Variants in SFI1 observed in about 807,000 individuals in gnomAD.
SFI1 encodes SFI1 centrin binding protein.
Under a neutral mutation model 207.5 loss-of-function variants are expected in SFI1, and 195 were observed. The observed-to-expected ratio is 0.94, with a 90% CI of 0.84 to 1.06. SFI1 has a LOEUF of 1.06. Ranked by LOEUF, SFI1 falls within the 50% of genes least tolerant of loss-of-function variation. The pLI is 0.00. For synonymous variants in SFI1, 630 were observed against 598.9 expected, an observed-to-expected ratio of 1.05 and a Z score of -0.76; for missense variants, 1,634 against 1,588.0, an observed-to-expected ratio of 1.03 and a Z score of -0.49.
chr22:31,612,398 A>AAAAT (rs1556369798), intron 24 of SFI1: 12 of 60,202 alleles, frequency 2.0e-4, no homozygotes, highest in African/African-American at 7.3e-4. Context: ...AAAAAAAAAA[A>AAAAT]ATATATATAT....
At position 31,594,965 on chromosome 22, in the gene SFI1, A is replaced by G. The variant is rs1016194094; in HGVS notation, c.1544+5388A>G. Among the ~76,000 whole-genome samples, 4 of 151,884 alleles carry G rather than the reference A, an allele frequency of 2.6e-5. No individual in the cohort carries two copies. In the East Asian group the frequency reaches 7.7e-4, roughly 29 times the overall value. On this transcript the variant is annotated intron_variant, in intron 15 of 32. Transcript: ENST00000400288. ...GCAGGTTCTTAGTATATGGTGGGAC[A>G]TAATGAAGAAATAATAATAATTTAT...
At chr22:31,541,315 G>A (rs2059466102) in intron 4 of SFI1, among the ~76,000 whole-genome samples, 1 of 152,198 alleles carries the variant, frequency 6.6e-6, no homozygotes, top group African/African-American at 2.4e-5. Context: ...GCTCTTGTCT[G>A]TCACCCTTTC....
intron 21 of SFI1, 99 bp downstream of exon 21, chr22:31,606,529 A>G: frequency 1.2e-6 from 1 of 868,834 alleles, no homozygotes; most frequent in Admixed American, 2.3e-5. Flanking sequence ...TTTGAACTGA[A>G]TAAGGAACCT....
At chr22:31,520,699 A>G (rs902278440) in intron 2 of SFI1, among the ~76,000 whole-genome samples, 11 of 151,980 alleles carry the variant, frequency 7.2e-5, no homozygotes, top group African/African-American at 2.7e-4. Flanking sequence ...CTCAATCAAA[A>G]TCCACTACTT....
At chr22:31,616,703 C>T in intron 29 of SFI1, 42 bp from the exon 30 acceptor site, 1 of 1,506,626 alleles carries the variant, frequency 6.6e-7, no homozygotes, top group Non-Finnish European at 8.9e-7. Flanking sequence ...CTGGCTTCCT[C>T]CTAGCTTCCT....
chr22:31,604,201 G>C (rs2068578408), intron 18 of SFI1, 108 bp from the exon 19 acceptor site: 7 of 827,252 alleles, frequency 8.5e-6, no homozygotes, highest in Non-Finnish European at 1.4e-5. Flanking sequence ...TGAGGCCAGA[G>C]AGGTTAATTT....
rs2068604164 is a variant in SFI1 at position 31,604,311 on chromosome 22, C to T, written c.1884C>T (p.Cys628=). ...GCTGCTTTCTCCTCTGTCTGCAGTG[C>T]CTGGCCCTGCGGGGAGCGGAGCGGC... ...LRWAWSQWRE[C]LALRGAERQK... is the part of the protein sequence containing the mutation. The change falls in exon 19 of 33, where the codon TGC becomes TGT. Residue 628 remains cysteine, a splice_region_variant and synonymous_variant. Coordinates refer to ENST00000400288, the MANE Select transcript of SFI1 (RefSeq NM_001007467.3). 6.4e-7 allele frequency: 1 copy of T among 1,572,142 alleles called. No individual in the cohort carries two copies. The highest frequency in any genetic ancestry group is 1.3e-5 in the African/African-American group (1 of 74,446).
chr22:31,500,006 T>C (rs1412893300), intron 1 of SFI1, among the ~76,000 whole-genome samples: 1 of 117,744 alleles, frequency 8.5e-6, no homozygotes, highest in Non-Finnish European at 1.8e-5. Context: ...AAAAAAAACA[T>C]TGAAAATGCC....
At chr22:31,569,547 G>T (rs1364703015) in intron 8 of SFI1, among the ~76,000 whole-genome samples, 1 of 152,064 alleles carries the variant, frequency 6.6e-6, no homozygotes, top group East Asian at 1.9e-4. Context: ...TAGATTGATG[G>T]CATGAAAGAG....
chr22:31,613,446 C>A lies in SFI1; in HGVS notation c.2658C>A (p.Leu886=), dbSNP rs2050283243. The change falls in exon 26 of 33, where the codon CTC becomes CTA. Residue 886 remains leucine (L), a synonymous_variant. Transcript: ENST00000400288. ...WALQAYQGQL[L]QEGATRLLRF... ...TCCAGGCCTACCAGGGGCAGCTCCT[C>A]CAGGAGGGTGCCACGCGGCTCCTGC... 1 of 1,607,780 alleles carries A rather than the reference C, an allele frequency of 6.2e-7. No homozygotes were observed.
At chr22:31,546,737 G>A (rs2060121835) in intron 4 of SFI1, 124 bp from the exon 5 acceptor site, 2 of 483,928 alleles carry the variant, frequency 4.1e-6, no homozygotes, top group African/African-American at 4.0e-5. Flanking sequence ...AAAGTGCTGG[G>A]ATTACAGGTG....
chr22:31,545,589 T>TTTA (rs1569269546), intron 4 of SFI1, among the ~76,000 whole-genome samples: 11 of 119,158 alleles, frequency 9.2e-5, no homozygotes, highest in African/African-American at 3.2e-4. Context: ...AATTTAATTT[T>TTTA]ATTTTATTTT....
Position 31,615,151 on chromosome 22 carries a change from A to G in SFI1, c.3172A>G (p.Ser1058Gly). 1 of 1,607,414 alleles carries G rather than the reference A, an allele frequency of 6.2e-7. No individual in the cohort carries two copies. Among genetic ancestry groups the G allele is most frequent in the Non-Finnish European group, 8.5e-7 (1 of 1,177,394 alleles). Reference protein sequence around the residue: ...AEAPTALVPHSPLPGALSSAP... With the variant: ...AEAPTALVPHGPLPGALSSAP... ...GGCCCCGACAGCACTGGTCCCACACAGCCCCCTGCCTGGGGCCCTGTCAAG... is the reference window on the plus strand; with the variant it reads ...GGCCCCGACAGCACTGGTCCCACACGGCCCCCTGCCTGGGGCCCTGTCAAG... Residue 1058 changes from serine to glycine, a missense_variant, in exon 29 of 33, where the codon AGC (serine) becomes GGC (glycine). By Grantham distance (56) the Ser-to-Gly change is moderately conservative. Coordinates refer to ENST00000400288, the MANE Select transcript of SFI1 (RefSeq NM_001007467.3).
At chr22:31,526,655 A>G (rs1046195945) in intron 2 of SFI1, among the ~76,000 whole-genome samples, 4 of 151,548 alleles carry the variant, frequency 2.6e-5, no homozygotes, top group African/African-American at 7.3e-5. Context: ...CCCTGGGTTC[A>G]AGTGATTCTC....
Position 31,602,593 on chromosome 22 carries a change from C to G in SFI1, c.1627-14C>G. On this transcript the variant is annotated splice_polypyrimidine_tract_variant and intron_variant, in intron 16 of 32. Coordinates refer to ENST00000400288, the MANE Select transcript of SFI1 (RefSeq NM_001007467.3). ...CTTGATTTATTCTGTTCTCTCCTTC[C>G]TGTCCTGCCTCAGGCCATCCTTCAC... 6.2e-7 allele frequency: 1 copy of G among 1,613,764 alleles called. No homozygotes were observed. The highest frequency in any genetic ancestry group is 8.5e-7 in the Non-Finnish European group (1 of 1,179,762).
intron 29 of SFI1, chr22:31,616,516 G>A (rs909881007): frequency 5.1e-5 from 23 of 450,510 alleles, no homozygotes; most frequent in Non-Finnish European, 9.0e-5. Context: ...GTGACACGGG[G>A]TGCTCCCTGG....
rs551240011 is a variant in SFI1 at position 31,616,764 on chromosome 22, C to T, written c.3320C>T (p.Thr1107Ile). ...APARVSAQRA[T>I]PRDKPPVPSS... ...TTGCAGGTGTCAGCACAGCGGGCTA[C>T]TCCTAGGGATAAGCCCCCGGTCCCC... Residue 1107 changes from threonine (T) to isoleucine (I), a missense_variant, in exon 30 of 33, where the codon ACT becomes ATT. Physicochemically the swap from Thr to Ile is moderately conservative, Grantham distance 89. Transcript: ENST00000400288. 16 of 1,574,540 alleles carry T rather than the reference C, an allele frequency of 1.0e-5. No individual in the cohort carries two copies. The South Asian group carries it at 1.8e-4, about 18-fold the overall frequency.
At chr22:31,550,936 C>T (rs1357559338) in intron 6 of SFI1, among the ~76,000 whole-genome samples, 1 of 152,174 alleles carries the variant, frequency 6.6e-6, no homozygotes, top group Non-Finnish European at 1.5e-5. Flanking sequence ...TGTCAACTCC[C>T]CTACCACTTA....
chr22:31,530,171 CAAAAAAAAAAAAA>C (rs1162482504), intron 3 of SFI1, among the ~76,000 whole-genome samples: 27 of 12,106 alleles, frequency 2.2e-3, no homozygotes, highest in East Asian at 9.6e-3. Flanking sequence ...GACTCCATCT[CAAAAAAAAAAAAA>C]AAAAAAAAAA....
Sources: allele counts gnomAD v4.1 joint callset (sites outside exome capture counted in the v4.1 genomes callset), GRCh38; gene constraint gnomAD v4.1.1; transcripts MANE v1.5; gene names NCBI Gene and HGNC (gene_info 2026-07-23, HGNC 2026-07-21).